The following MAGED1 variants were observed in gnomAD, a reference collection of about 807,000 sequenced individuals.
MAGED1 encodes the protein MAGE family member D1.
MAGED1 carries 3 observed loss-of-function variants against 54.1 expected under a neutral mutation model. The observed-to-expected ratio is 0.06, with a 90% CI of 0.03 to 0.14. The LOEUF (loss-of-function observed/expected upper bound fraction) is 0.14, where lower values mean the gene tolerates loss of function less well. Among genes scored for constraint, MAGED1 ranks in the 10% least tolerant of loss-of-function variants. The pLI is 1.00. For synonymous variants in MAGED1, 217 were observed against 227.3 expected (o/e 0.95, Z 0.41); for missense variants, 485 against 623.4 (o/e 0.78, Z 2.36).
At chrX:51,892,225 G>T (rs1301449087), upstream of MAGED1, among the ~76,000 whole-genome samples, 1 of 112,723 alleles carries the variant, frequency 8.9e-6, no homozygotes, top group East Asian at 2.8e-4. Flanking sequence ...GCATAGCAGC[G>T]TGTGTGTCCT....
intron 1 of MAGED1, among the ~76,000 whole-genome samples, chrX:51,807,302 T>C (rs1557355209): frequency 9.0e-6 from 1 of 111,697 alleles, no homozygotes; most frequent in Non-Finnish European, 1.9e-5. Context: ...CTAACTTTTT[T>C]TTATTGATTT....
Position 51,886,443 on chromosome X carries a change from G to T in MAGED1, c.-36-7826G>T, listed in dbSNP as rs546560280. On this transcript the variant is annotated intron_variant, in intron 1 of 12. Transcript: ENST00000375772. Reference sequence around the variant, plus strand: ...ACCCATGAATATATACAACAAATATGTATCCATAAAAATTAAAAATTAAAG... The same window carrying T: ...ACCCATGAATATATACAACAAATATTTATCCATAAAAATTAAAAATTAAAG... Among the ~76,000 whole-genome samples, 22 of 110,564 alleles carry T rather than the reference G, an allele frequency of 2.0e-4. No homozygotes were observed. The South Asian group carries it at 2.3e-3, about 12-fold the overall frequency.
At chrX:51,811,359 A>G (rs782379332) in intron 1 of MAGED1, among the ~76,000 whole-genome samples, 1 of 111,928 alleles carries the variant, frequency 8.9e-6, no homozygotes, top group South Asian at 3.7e-4. Flanking sequence ...ATTATACTAT[A>G]CCTGTTACAT....
chrX:51,895,651 A>G lies in MAGED1; in HGVS notation c.644A>G (p.Asp215Gly). 1 of 1,209,301 alleles carries G rather than the reference A, an allele frequency of 8.3e-7. No homozygotes were observed. The highest frequency in any genetic ancestry group is 1.1e-6 in the Non-Finnish European group (1 of 894,142). Residue 215 changes from aspartate (D) to glycine (G), a missense_variant, in exon 3 of 13, where the codon GAC becomes GGC. This residue lies in a region of MAGED1 where 299 missense variants were observed against 293.1 expected (regional missense o/e 1.02). Coordinates refer to ENST00000326587, the MANE Select transcript of MAGED1 (RefSeq NM_006986.4). Reference sequence around the variant, plus strand: ...ACTTCCCAGGCTGACATAGAGACCGACCCAGGTATCTCTGAACCTGACGGT... The same window carrying G: ...ACTTCCCAGGCTGACATAGAGACCGGCCCAGGTATCTCTGAACCTGACGGT... ...MATSQADIET[D>G]PGISEPDGAT...
chrX:51,819,344 C>A (rs1404323664), intron 1 of MAGED1, among the ~76,000 whole-genome samples: 1 of 109,773 alleles, frequency 9.1e-6, no homozygotes, highest in African/African-American at 3.3e-5. Context: ...TTTCCTTGTT[C>A]TGTCAAGCCG....
intron 1 of MAGED1, among the ~76,000 whole-genome samples, chrX:51,803,428 C>G (rs782749864): frequency 9.1e-6 from 1 of 109,305 alleles, no homozygotes; most frequent in East Asian, 2.9e-4. Context: ...GCGTCATTCC[C>G]TCTACCACAG....
chrX:51,892,392 C>T (rs1348016608), upstream of MAGED1, among the ~76,000 whole-genome samples: 2 of 112,134 alleles, frequency 1.8e-5, no homozygotes, highest in African/African-American at 6.5e-5. Flanking sequence ...CTCCATAAAA[C>T]CACAGCTGCC....
At chrX:51,831,082 C>G (rs1367278928) in intron 1 of MAGED1, among the ~76,000 whole-genome samples, 1 of 111,621 alleles carries the variant, frequency 9.0e-6, no homozygotes, top group African/African-American at 3.3e-5. Flanking sequence ...GGGTCTTGAT[C>G]TCTTGACCTC....
intron 3 of MAGED1, 52 bp downstream of exon 3, chrX:51,895,812 T>C (rs1437399832): frequency 2.1e-6 from 2 of 964,008 alleles, no homozygotes; most frequent in Non-Finnish European, 2.8e-6. Flanking sequence ...CTTTCTTCTC[T>C]GAGGGTGTTC....
chrX:51,894,743 G>T (rs782064724), intron 2 of MAGED1: 2 of 1,143,717 alleles, frequency 1.7e-6, no homozygotes, highest in Non-Finnish European at 2.3e-6. Flanking sequence ...TCCGCGATCC[G>T]CCTGCCGTCC....
intron 1 of MAGED1, among the ~76,000 whole-genome samples, chrX:51,838,341 C>T (rs1926329400): frequency 8.9e-6 from 1 of 112,441 alleles, no homozygotes; most frequent in South Asian, 3.7e-4. Flanking sequence ...CAGGCCCAAG[C>T]CATTCAATAG....
intron 1 of MAGED1, among the ~76,000 whole-genome samples, chrX:51,813,212 G>A (rs2071341039): frequency 9.2e-6 from 1 of 108,539 alleles, no homozygotes; most frequent in Admixed American, 9.9e-5. Context: ...TAATAGAGAC[G>A]GGGTTTCTCC....
At chrX:51,858,484 T>C (rs916044883) in intron 1 of MAGED1, among the ~76,000 whole-genome samples, 1 of 112,204 alleles carries the variant, frequency 8.9e-6, no homozygotes, top group Admixed American at 9.5e-5. Flanking sequence ...ATTTATATTA[T>C]CCCTTTGAAT....
rs138245711 is a variant in MAGED1 at position 51,874,232 on chromosome X, G to A, written c.-36-20037G>A. ...AAGCTACTGTCTTGTGAAGAAGACA[G>A]TAATCGCAGACTCAAATATTTGTGA... On this transcript the variant is annotated intron_variant, in intron 1 of 12. Coordinates refer to the MAGED1 transcript ENST00000375772. 2.4e-3 allele frequency among the ~76,000 whole-genome samples: 269 copies of A among 111,565 alleles called. 7 individuals are homozygous for A. The East Asian group carries it at 0.065, about 27-fold the overall frequency.
Position 51,857,459 on chromosome X carries a change from C to A in MAGED1, c.-36-36810C>A, listed in dbSNP as rs191642156. The A allele has an allele frequency of 2.7e-5, 3 of 111,211 alleles. No homozygotes were observed. The South Asian group carries it at 1.1e-3, about 42-fold the overall frequency. The allele number at this position is 111,211 out of a possible 1,213,427, so 9.2% of individuals were successfully genotyped here. A position where few individuals can be genotyped will look rare whatever the true frequency, so the allele number is the denominator to read the frequency against. ...AATGCATGTGGAAAGGCTTTCAGAT[C>A]CAGCTCAGACTTTACTAAACATGAG... On this transcript the variant is annotated intron_variant, in intron 1 of 12. Coordinates refer to the MAGED1 transcript ENST00000375772.
At chrX:51,849,856 A>C (rs1320867929) in intron 1 of MAGED1, among the ~76,000 whole-genome samples, 1 of 111,869 alleles carries the variant, frequency 8.9e-6, no homozygotes, top group Non-Finnish European at 1.9e-5. Context: ...TAATTTGTGA[A>C]TAATTTTTTT....
intron 1 of MAGED1, among the ~76,000 whole-genome samples, chrX:51,809,240 G>A (rs782560544): frequency 1.2e-3 from 128 of 110,979 alleles, no homozygotes; most frequent in Non-Finnish European, 1.9e-3. Flanking sequence ...TCAGGCTCCC[G>A]AGTAGCTGGG....
At chrX:51,806,720 A>G (rs1925047924) in intron 1 of MAGED1, among the ~76,000 whole-genome samples, 1 of 111,430 alleles carries the variant, frequency 9.0e-6, no homozygotes. Context: ...CAGGTTATGT[A>G]TAAGATTAAT....
rs1021377747 is a variant in MAGED1, at chrX:51,867,555, A to G, written c.-36-26714A>G. On this transcript the variant is annotated intron_variant, in intron 1 of 12. Coordinates refer to the MAGED1 transcript ENST00000375772. Reference sequence around the variant, plus strand: ...TTCTGCCTGCTTTATATTCGCTGGCAGCTGATTAGATTGTGCCCACCAGTT... The same window carrying G: ...TTCTGCCTGCTTTATATTCGCTGGCGGCTGATTAGATTGTGCCCACCAGTT... Among the ~76,000 whole-genome samples the G allele has an allele frequency of 2.7e-5, 3 of 111,628 alleles. No homozygotes were observed. In the Admixed American group the frequency reaches 2.8e-4, roughly 11 times the overall value.
Sources: allele counts gnomAD v4.1 joint callset (sites outside exome capture counted in the v4.1 genomes callset), GRCh38; gene constraint gnomAD v4.1.1; regional missense constraint gnomAD v4.1.1; transcripts MANE v1.5; gene names NCBI Gene and HGNC (gene_info 2026-07-23, HGNC 2026-07-21).